The following DAP variants were observed in gnomAD, a reference collection of about 807,000 sequenced individuals.
DAP encodes death associated protein.
In DAP, 8 loss-of-function variants were observed where a neutral mutation model predicts 13.8. That is an observed-to-expected ratio of 0.58 (90% CI 0.34 to 1.05). DAP has a LOEUF of 1.05. Among genes scored for constraint, DAP ranks in the 50% least tolerant of loss-of-function variants. The pLI, the probability that DAP is intolerant of heterozygous loss-of-function variation, is 0.03. For synonymous variants in DAP, 47 were observed against 47.5 expected, an observed-to-expected ratio of 0.99 and a Z score of 0.04; for missense variants, 106 against 133.2, an observed-to-expected ratio of 0.80 and a Z score of 1.01.
chr5:10,685,213 T>C (rs1228517002), intron 2 of DAP, among the ~76,000 whole-genome samples: 1 of 152,280 alleles, frequency 6.6e-6, no homozygotes, highest in Non-Finnish European at 1.5e-5. Context: ...AGCACAGAGA[T>C]GCCCCATACA....
At chr5:10,683,641 T>C (rs1738087666) in intron 2 of DAP, 70 bp from the exon 3 acceptor site, 2 of 1,477,274 alleles carry the variant, frequency 1.4e-6, no homozygotes, top group South Asian at 1.1e-5. Flanking sequence ...TGGCAGACGA[T>C]GTGTATGTGG....
chr5:10,754,521 CT>C (rs1740130767), intron 1 of DAP, among the ~76,000 whole-genome samples: 1 of 152,182 alleles, frequency 6.6e-6, no homozygotes, highest in Non-Finnish European at 1.5e-5. Flanking sequence ...TGGGACCCCC[CT>C]GGGCCAAACA....
chr5:10,732,201 C>T (rs76818396), intron 2 of DAP, among the ~76,000 whole-genome samples: 1,658 of 152,360 alleles, frequency 0.011, 15 homozygotes, highest in South Asian at 0.019. Context: ...ATTCATAGAA[C>T]ATAAAATCCA....
chr5:10,753,055 C>A (rs1740087635), intron 1 of DAP, among the ~76,000 whole-genome samples: 1 of 152,200 alleles, frequency 6.6e-6, no homozygotes, highest in East Asian at 1.9e-4. Flanking sequence ...AAAGCACCTG[C>A]CCATCGTGGT....
At chr5:10,753,883 T>A (rs1302946287) in intron 1 of DAP, among the ~76,000 whole-genome samples, 1 of 152,104 alleles carries the variant, frequency 6.6e-6, no homozygotes, top group African/African-American at 2.4e-5. Flanking sequence ...CTAAAAGAAG[T>A]GACGAAAGGT....
intron 2 of DAP, among the ~76,000 whole-genome samples, chr5:10,690,106 GACTGC>G (rs67278282): frequency 0.24 from 35,844 of 151,956 alleles, 4,327 homozygotes; most frequent in Middle Eastern, 0.36. Flanking sequence ...CTTGCTTTAA[GACTGC>G]ACTTTTTACA....
At chr5:10,682,434 G>A (rs1738043484) in intron 3 of DAP, among the ~76,000 whole-genome samples, 2 of 149,566 alleles carry the variant, frequency 1.3e-5, no homozygotes. Flanking sequence ...CGTCCCTGCA[G>A]GAAGCATGGC....
At chr5:10,737,302 C>T (rs267962) in intron 2 of DAP, among the ~76,000 whole-genome samples, 87,438 of 149,460 alleles carry the variant, frequency 0.59, 26,732 homozygotes, top group Non-Finnish European at 0.68. Context: ...GCTGAGATCA[C>T]GCCACTGCAC....
chr5:10,683,291 C>T, intron 3 of DAP: 1 of 590,586 alleles, frequency 1.7e-6, no homozygotes, highest in African/African-American at 1.9e-5. Flanking sequence ...GCGCTTAAGT[C>T]ACAATGTTGG....
intron 3 of DAP, chr5:10,683,164 T>G (rs1339149010): frequency 9.8e-6 from 3 of 307,036 alleles, no homozygotes; most frequent in African/African-American, 6.7e-5. Flanking sequence ...ACTGGCACTT[T>G]CTTCAGGCAT....
chr5:10,702,270 C>G (rs968065984), intron 2 of DAP, among the ~76,000 whole-genome samples: 1 of 152,182 alleles, frequency 6.6e-6, no homozygotes, highest in Non-Finnish European at 1.5e-5. Context: ...AGTTTGTGGT[C>G]GTGGCCAGGC....
intron 2 of DAP, among the ~76,000 whole-genome samples, chr5:10,731,750 G>T (rs1422409535): frequency 6.6e-6 from 1 of 152,220 alleles, no homozygotes; most frequent in Non-Finnish European, 1.5e-5. Flanking sequence ...GGCTTCTGGC[G>T]AAGCTTTACT....
intron 2 of DAP, among the ~76,000 whole-genome samples, chr5:10,736,338 A>G (rs1301938818): frequency 1.3e-5 from 2 of 152,204 alleles, no homozygotes; most frequent in Non-Finnish European, 2.9e-5. Context: ...CCTGCCTGGA[A>G]GTTCTGCCCA....
At chr5:10,737,471 C>T (rs1051965813) in intron 2 of DAP, among the ~76,000 whole-genome samples, 2 of 152,102 alleles carry the variant, frequency 1.3e-5, no homozygotes, top group African/African-American at 2.4e-5. Flanking sequence ...AACAGGGACA[C>T]GCCCCTCTTA....
At chr5:10,741,499 GAAGTA>G (rs747070095) in intron 2 of DAP, among the ~76,000 whole-genome samples, 10 of 152,316 alleles carry the variant, frequency 6.6e-5, no homozygotes, top group Non-Finnish European at 1.2e-4. Context: ...AGTATTGGTA[GAAGTA>G]AAGTATATGA....
At chr5:10,728,816 G>C (rs1253602190) in intron 2 of DAP, among the ~76,000 whole-genome samples, 1 of 152,184 alleles carries the variant, frequency 6.6e-6, no homozygotes, top group African/African-American at 2.4e-5. Flanking sequence ...AATGAATTGG[G>C]GGGAGAGATG....
intron 2 of DAP, among the ~76,000 whole-genome samples, chr5:10,699,799 C>T (rs1011643440): frequency 2.6e-5 from 4 of 152,248 alleles, no homozygotes; most frequent in South Asian, 4.1e-4. Flanking sequence ...CCCAGGCCCA[C>T]GGCTCTCACT....
At chr5:10,737,490 C>T (rs940778116) in intron 2 of DAP, among the ~76,000 whole-genome samples, 42 of 152,272 alleles carry the variant, frequency 2.8e-4, no homozygotes, top group African/African-American at 1.0e-3. Context: ...TAAAAGGCAG[C>T]TGGCAACTAG....
At position 10,748,244 on chromosome 5, in the gene DAP, T is replaced by C. The variant is rs375473454; in HGVS notation, c.83A>G (p.Gln28Arg). 11 of 1,614,006 alleles carry C rather than the reference T, an allele frequency of 6.8e-6. No individual in the cohort carries two copies. Among genetic ancestry groups the C allele is most frequent in the South Asian group, 3.3e-5 (3 of 91,088 alleles). ...AVKAGGMRIVQKHPHTGDTKE... is the reference protein window; with the variant it reads ...AVKAGGMRIVRKHPHTGDTKE... ...GGTGTCTCCTGTATGTGGGTGTTTC[T>C]GCACAATTCGCATTCCACCAGCTTT... Residue 28 changes from glutamine (Q) to arginine (R), a missense_variant, in exon 2 of 4, where the codon CAG becomes CGG. Gln to Arg is a conservative substitution (Grantham distance 43). Transcript: ENST00000230895.
Sources: allele counts gnomAD v4.1 joint callset (sites outside exome capture counted in the v4.1 genomes callset), GRCh38; gene constraint gnomAD v4.1.1; transcripts MANE v1.5; gene names NCBI Gene and HGNC (gene_info 2026-07-23, HGNC 2026-07-21).